Variants in KIAA0825 observed in about 807,000 individuals in gnomAD.
KIAA0825 encodes the protein KIAA0825.
KIAA0825 carries 119 observed loss-of-function variants against 147.6 expected under a neutral mutation model. The ratio of observed to expected loss-of-function variants is 0.81; its 90% CI spans 0.69 to 0.94. The LOEUF (loss-of-function observed/expected upper bound fraction) is 0.94, where lower values mean the gene tolerates loss of function less well. KIAA0825 is among the 40% of genes least tolerant of loss of function. The pLI is 0.00. For synonymous variants in KIAA0825, 470 were observed against 518.1 expected (o/e 0.91, Z 1.26); for missense variants, 1,381 against 1,472.7 (o/e 0.94, Z 1.02).
At chr5:94,285,414 A>T (rs909254285) in intron 20 of KIAA0825, among the ~76,000 whole-genome samples, 15 of 152,216 alleles carry the variant, frequency 9.9e-5, no homozygotes, top group Middle Eastern at 6.8e-3. Context: ...TAGCATTTTC[A>T]TTGAAGAAAT....
At chr5:94,422,264 T>C (rs562532861) in intron 14 of KIAA0825, among the ~76,000 whole-genome samples, 35 of 152,304 alleles carry the variant, frequency 2.3e-4, no homozygotes, top group African/African-American at 6.7e-4. Context: ...GCCCTCTATA[T>C]AGCTGGAAGA....
chr5:94,392,357 C>G (rs1488936869), intron 17 of KIAA0825, among the ~76,000 whole-genome samples: 1 of 152,172 alleles, frequency 6.6e-6, no homozygotes, highest in Non-Finnish European at 1.5e-5. Context: ...AGTCTACTAA[C>G]ACCACACCAG....
intron 5 of KIAA0825, among the ~76,000 whole-genome samples, chr5:94,507,197 C>A (rs1361319355): frequency 1.3e-5 from 2 of 152,112 alleles, no homozygotes; most frequent in African/African-American, 2.4e-5. Context: ...CGCCTGTAAT[C>A]CCAGCACTTT....
At chr5:94,346,380 A>G (rs1562399792) in intron 20 of KIAA0825, among the ~76,000 whole-genome samples, 1 of 152,210 alleles carries the variant, frequency 6.6e-6, no homozygotes, top group Non-Finnish European at 1.5e-5. Flanking sequence ...GAATTTTAAG[A>G]TAATGATTTT....
intron 20 of KIAA0825, among the ~76,000 whole-genome samples, chr5:94,220,071 C>CA (rs1773547883): frequency 6.6e-6 from 1 of 152,092 alleles, no homozygotes; most frequent in African/African-American, 2.4e-5. Context: ...TATAGCTGTG[C>CA]AAAAAATTCT....
At chr5:94,189,228 C>G (rs914046065) in intron 20 of KIAA0825, among the ~76,000 whole-genome samples, 3 of 152,078 alleles carry the variant, frequency 2.0e-5, no homozygotes, top group African/African-American at 7.2e-5. Context: ...TCTTTGTTTT[C>G]TTAAGTATGT....
intron 20 of KIAA0825, among the ~76,000 whole-genome samples, chr5:94,295,211 C>T (rs1053131280): frequency 4.6e-5 from 7 of 151,852 alleles, no homozygotes; most frequent in African/African-American, 1.4e-4. Context: ...TTGATCAATT[C>T]GGCTACTGAT....
chr5:94,475,153 G>T (rs1761721522), intron 7 of KIAA0825, among the ~76,000 whole-genome samples: 1 of 151,718 alleles, frequency 6.6e-6, no homozygotes, highest in Non-Finnish European at 1.5e-5. Context: ...TTTCTTATAA[G>T]AGAACTTGGA....
chr5:94,470,136 G>A (rs1761033059), intron 9 of KIAA0825, 25 bp from the exon 10 acceptor site: 1 of 1,537,104 alleles, frequency 6.5e-7, no homozygotes, highest in Admixed American at 2.0e-5. Context: ...TGATCAAAGA[G>A]ACAGAGATTT....
chr5:94,337,879 G>A (rs1248088754), intron 20 of KIAA0825, among the ~76,000 whole-genome samples: 1 of 152,196 alleles, frequency 6.6e-6, no homozygotes, highest in African/African-American at 2.4e-5. Context: ...TAAAGCAAGA[G>A]AATAACATAA....
At chr5:94,593,482 C>T (rs568692747) in intron 1 of KIAA0825, 30 of 661,004 alleles carry the variant, frequency 4.5e-5, no homozygotes, top group African/African-American at 2.9e-4. Context: ...ACAGTTTCTT[C>T]GAAACTTTAG....
intron 12 of KIAA0825, among the ~76,000 whole-genome samples, chr5:94,454,521 A>G (rs1246379119): frequency 1.3e-5 from 2 of 152,174 alleles, no homozygotes; most frequent in African/African-American, 4.8e-5. Flanking sequence ...TCAGATCAAA[A>G]CAGAAATTCC....
intron 20 of KIAA0825, among the ~76,000 whole-genome samples, chr5:94,344,747 C>A (rs963601274): frequency 3.3e-5 from 5 of 152,142 alleles, no homozygotes; most frequent in Admixed American, 1.3e-4. Flanking sequence ...AGGAAGGAAA[C>A]CCTGGCAGGT....
chr5:94,183,516 G>T (rs1183360400), intron 20 of KIAA0825, among the ~76,000 whole-genome samples: 1 of 152,136 alleles, frequency 6.6e-6, no homozygotes, highest in Non-Finnish European at 1.5e-5. Context: ...TTTAGGATGG[G>T]GCTGGTTCTC....
chr5:94,463,249 C>CTCAG (rs1223887908), intron 11 of KIAA0825, among the ~76,000 whole-genome samples: 3 of 151,252 alleles, frequency 2.0e-5, no homozygotes, highest in Non-Finnish European at 4.4e-5. Flanking sequence ...TTGAACAGAC[C>CTCAG]TCAGTTAGTT....
intron 19 of KIAA0825, among the ~76,000 whole-genome samples, 177 bp from the exon 20 acceptor site, chr5:94,384,635 G>A (rs1748898458): frequency 6.6e-6 from 1 of 152,054 alleles, no homozygotes; most frequent in Non-Finnish European, 1.5e-5. Context: ...CCAATAAGAC[G>A]GCAATTAATT....
At chr5:94,423,740 A>C (rs1754495376) in intron 14 of KIAA0825, among the ~76,000 whole-genome samples, 1 of 152,204 alleles carries the variant, frequency 6.6e-6, no homozygotes, top group Non-Finnish European at 1.5e-5. Flanking sequence ...ACTCATTTTC[A>C]ATCTGGGTAT....
intron 6 of KIAA0825, among the ~76,000 whole-genome samples, chr5:94,478,127 C>G (rs1367415665): frequency 6.6e-6 from 1 of 152,132 alleles, no homozygotes; most frequent in Non-Finnish European, 1.5e-5. Context: ...TGCGTGTTTT[C>G]TTTTCCTAAA....
intron 20 of KIAA0825, among the ~76,000 whole-genome samples, chr5:94,217,889 A>G (rs1206861072): frequency 6.6e-6 from 1 of 152,156 alleles, no homozygotes; most frequent in Non-Finnish European, 1.5e-5. Flanking sequence ...GAATGCTGCA[A>G]ACGTCTCAAT....
Sources: allele counts gnomAD v4.1 joint callset (sites outside exome capture counted in the v4.1 genomes callset), GRCh38; gene constraint gnomAD v4.1.1; transcripts MANE v1.5; gene names NCBI Gene and HGNC (gene_info 2026-07-23, HGNC 2026-07-21).